Variants in TAFA1 observed in about 807,000 individuals in gnomAD.
The protein encoded by TAFA1 is TAFA chemokine like family member 1, also known as chemokine-like protein TAFA-1.
Under a neutral mutation model 18.5 loss-of-function variants are expected in TAFA1, and 4 were observed. That is an observed-to-expected ratio of 0.22 (90% CI 0.11 to 0.49). The LOEUF (loss-of-function observed/expected upper bound fraction) is 0.49, where lower values mean the gene tolerates loss of function less well. TAFA1 is among the 20% of genes least tolerant of loss of function. The probability of loss-of-function intolerance (pLI) is 0.98; values close to 1 mark genes in which losing one functional copy is unlikely to be tolerated. For synonymous variants in TAFA1, 56 were observed against 55.2 expected (o/e 1.01, Z -0.06); for missense variants, 147 against 169.0 (o/e 0.87, Z 0.72).
intron 3 of TAFA1, among the ~76,000 whole-genome samples, chr3:68,439,570 C>A (rs924807065): frequency 4.7e-4 from 71 of 151,520 alleles, no homozygotes; most frequent in African/African-American, 1.7e-3. Flanking sequence ...TGTTTGAGGG[C>A]AGGAAGTATA....
chr3:68,406,564 G>A (rs560643487), intron 2 of TAFA1, among the ~76,000 whole-genome samples: 1 of 152,210 alleles, frequency 6.6e-6, no homozygotes, highest in South Asian at 2.1e-4. Flanking sequence ...GCCCCACTTT[G>A]AGGAAGAAAC....
intron 2 of TAFA1, among the ~76,000 whole-genome samples, chr3:68,370,463 T>A (rs1287419516): frequency 4.1e-5 from 1 of 24,426 alleles, no homozygotes; most frequent in African/African-American, 2.2e-4. Flanking sequence ...TATGTGTGTG[T>A]GTGTGTGTGT....
At chr3:68,389,414 T>A (rs1230900478) in intron 2 of TAFA1, among the ~76,000 whole-genome samples, 2 of 152,232 alleles carry the variant, frequency 1.3e-5, no homozygotes, top group African/African-American at 4.8e-5. Context: ...GCATTTAATA[T>A]CTTTGTATGC....
intron 2 of TAFA1, among the ~76,000 whole-genome samples, chr3:68,374,023 G>A (rs985824610): frequency 3.3e-5 from 5 of 152,080 alleles, no homozygotes; most frequent in Admixed American, 1.3e-4. Flanking sequence ...AATGTCTCCC[G>A]GAACCTGAGG....
intron 3 of TAFA1, among the ~76,000 whole-genome samples, chr3:68,533,067 C>G (rs2073213700): frequency 7.1e-6 from 1 of 139,876 alleles, no homozygotes; most frequent in African/African-American, 2.7e-5. Flanking sequence ...GAAAAGTGGG[C>G]AGGGTGGTAA....
At chr3:68,327,022 TG>T (rs1334268046) in intron 2 of TAFA1, among the ~76,000 whole-genome samples, 9 of 152,282 alleles carry the variant, frequency 5.9e-5, no homozygotes, top group East Asian at 5.8e-4. Context: ...AATTAAATCA[TG>T]GGGGTGGTTC....
At chr3:68,037,278 A>G (rs1015369333) in intron 2 of TAFA1, among the ~76,000 whole-genome samples, 2 of 152,142 alleles carry the variant, frequency 1.3e-5, no homozygotes, top group African/African-American at 2.4e-5. Context: ...TGGGTGACCT[A>G]TGAAGGGGCT....
chr3:68,214,239 A>G (rs4311217), intron 2 of TAFA1, among the ~76,000 whole-genome samples: 74,944 of 151,898 alleles, frequency 0.49, 19,196 homozygotes, highest in East Asian at 0.71. Context: ...TCTAGTTATC[A>G]TAGAATTCAG....
chr3:68,031,324 C>T (rs1483598377), intron 2 of TAFA1, among the ~76,000 whole-genome samples: 1 of 152,016 alleles, frequency 6.6e-6, no homozygotes, highest in Non-Finnish European at 1.5e-5. Flanking sequence ...ATCTTATATC[C>T]CATCTGGGTT....
intron 3 of TAFA1, among the ~76,000 whole-genome samples, chr3:68,453,249 C>A (rs1280221462): frequency 6.6e-6 from 1 of 152,156 alleles, no homozygotes; most frequent in Non-Finnish European, 1.5e-5. Flanking sequence ...TCCTTTCACC[C>A]TTGTTTAATT....
At chr3:68,209,114 G>A (rs750273366) in intron 2 of TAFA1, among the ~76,000 whole-genome samples, 1 of 151,980 alleles carries the variant, frequency 6.6e-6, no homozygotes, top group South Asian at 2.1e-4. Flanking sequence ...GCAAGGAAAT[G>A]AATTCTGCCA....
At chr3:68,532,078 T>G (rs1004609173) in intron 3 of TAFA1, among the ~76,000 whole-genome samples, 2 of 152,200 alleles carry the variant, frequency 1.3e-5, no homozygotes, top group East Asian at 3.8e-4. Flanking sequence ...TCTGTTAAAA[T>G]GAATGGACAA....
chr3:68,191,051 G>T (rs2066333451), intron 2 of TAFA1, among the ~76,000 whole-genome samples: 1 of 151,718 alleles, frequency 6.6e-6, no homozygotes, highest in Non-Finnish European at 1.5e-5. Context: ...GATTCAGCTG[G>T]TCTTGGGTGG....
intron 2 of TAFA1, among the ~76,000 whole-genome samples, chr3:68,385,763 C>T (rs920303698): frequency 6.6e-6 from 1 of 151,900 alleles, no homozygotes; most frequent in Non-Finnish European, 1.5e-5. Context: ...CACAGTCACA[C>T]TTACTCATTT....
chr3:68,010,338 T>C (rs17140941), intron 2 of TAFA1, among the ~76,000 whole-genome samples: 7,640 of 152,218 alleles, frequency 0.05, 345 homozygotes, highest in East Asian at 0.13. Context: ...ATCCACTACA[T>C]TGACAGGTGA....
At chr3:68,469,828 G>A (rs1338505711) in intron 3 of TAFA1, among the ~76,000 whole-genome samples, 1 of 152,152 alleles carries the variant, frequency 6.6e-6, no homozygotes, top group Admixed American at 6.5e-5. Context: ...CCAGTGATGG[G>A]CTGTCTAAGC....
chr3:68,496,710 A>G (rs1291338583), intron 3 of TAFA1, among the ~76,000 whole-genome samples: 5 of 152,134 alleles, frequency 3.3e-5, no homozygotes, highest in Non-Finnish European at 5.9e-5. Flanking sequence ...AAGTGTCAAG[A>G]CTGGGTTGAT....
At chr3:68,011,948 TAC>T (rs1704481346) in intron 2 of TAFA1, among the ~76,000 whole-genome samples, 1 of 152,230 alleles carries the variant, frequency 6.6e-6, no homozygotes, top group Admixed American at 6.5e-5. Flanking sequence ...AACTCTTACT[TAC>T]GTAAGCTCAA....
rs148634535 is a variant in TAFA1, at chr3:68,295,850, T to G, written c.119-121430T>G. On this transcript the variant is annotated intron_variant, in intron 2 of 4. Coordinates refer to ENST00000478136, the MANE Select transcript of TAFA1 (RefSeq NM_213609.4). ...GTCTCTAACTCCTGGCCTCAAGTGATCCTCTCTCCTTGGCCTCCTGTATTC... is the reference window on the plus strand; with the variant it reads ...GTCTCTAACTCCTGGCCTCAAGTGAGCCTCTCTCCTTGGCCTCCTGTATTC... 7.5e-3 allele frequency among the ~76,000 whole-genome samples: 1,148 copies of G among 152,240 alleles called. 18 individuals are homozygous for G. The highest frequency in any genetic ancestry group is 0.026 in the African/African-American group (1,077 of 41,522).
Sources: gnomAD v4.1 joint callset for allele counts (sites outside exome capture counted in the v4.1 genomes callset) on GRCh38, gnomAD v4.1.1 for gene constraint, MANE v1.5 for transcripts, NCBI Gene and HGNC (gene_info 2026-07-23, HGNC 2026-07-21) for gene names.